ZNRF3: variants seen among roughly 807,000 people sequenced by gnomAD.
The protein encoded by ZNRF3 is E3 ubiquitin-protein ligase ZNRF3.
Under a neutral mutation model 72.5 loss-of-function variants are expected in ZNRF3, and 23 were observed. The ratio of observed to expected loss-of-function variants is 0.32; its 90% CI spans 0.23 to 0.45. The LOEUF is 0.45. Ranked by LOEUF, ZNRF3 falls within the 20% of genes least tolerant of loss-of-function variation. The pLI is 1.00. For synonymous variants in ZNRF3, 610 were observed against 545.3 expected, an observed-to-expected ratio of 1.12 and a Z score of -1.65; for missense variants, 1,169 against 1,272.1, an observed-to-expected ratio of 0.92 and a Z score of 1.23.
At chr22:28,955,033 T>G (rs1016136232) in intron 1 of ZNRF3, among the ~76,000 whole-genome samples, 108 of 26,504 alleles carry the variant, frequency 4.1e-3, no homozygotes, top group African/African-American at 6.8e-3. Context: ...ATTTTTGGTG[T>G]TTTTTTTTTT....
At chr22:28,961,238 C>G (rs1449053702) in intron 1 of ZNRF3, among the ~76,000 whole-genome samples, 2 of 152,180 alleles carry the variant, frequency 1.3e-5, no homozygotes, top group Non-Finnish European at 2.9e-5. Flanking sequence ...AATCACCTCC[C>G]AAGGCCCCCC....
rs562711776 is a variant in ZNRF3, at chr22:29,050,843, C to T, written c.2662C>T (p.Leu888=). The change falls in exon 8 of 9, where the codon CTG becomes TTG. Residue 888 remains leucine, a synonymous_variant. Transcript: ENST00000544604. ...RALCCQARAL[L]RPGCPPEEAG... ...TCTGTGCTGCCAGGCTAGGGCCCTA[C>T]TGCGGCCTGGCTGCCCTCCGGAGGA... 1.9e-6 allele frequency: 3 copies of T among 1,605,244 alleles called. No homozygotes were observed. The highest frequency in any genetic ancestry group is 1.7e-4 in the Middle Eastern group (1 of 6,002).
Position 28,883,855 on chromosome 22 carries a change from G to T in ZNRF3, c.89G>T (p.Arg30Leu). 4.0e-6 allele frequency: 4 copies of T among 993,444 alleles called. No individual in the cohort carries two copies. The highest frequency in any genetic ancestry group is 4.8e-6 in the Non-Finnish European group (4 of 839,492). The allele number at this position is 993,444 out of a possible 1,614,324, so 61.5% of individuals were successfully genotyped here. ...CGCCCCCGCGGCCTCCGGTGCAGCC[G>T]CCTGCCGCCGCCGCCGCCGCTGCCG... ...RRRPRGLRCSRLPPPPPLPLL... is the reference protein window; with the variant it reads ...RRRPRGLRCSLLPPPPPLPLL... The change falls in exon 1 of 9, where the codon CGC (arginine) becomes CTC (leucine). Residue 30 changes from arginine (R) to leucine (L), a missense_variant. By Grantham distance (102) the Arg-to-Leu change is moderately radical (BLOSUM62 -2). This residue lies in a region of ZNRF3 where 386 missense variants were observed against 540.7 expected (regional missense o/e 0.71). Coordinates refer to ENST00000544604, the MANE Select transcript of ZNRF3 (RefSeq NM_001206998.2). The surrounding 1 kb of genome is among the most constrained non-coding windows in gnomAD (Gnocchi z 5.5).
chr22:29,031,780 T>C (rs2036763032), intron 2 of ZNRF3: 1 of 234,530 alleles, frequency 4.3e-6, no homozygotes, highest in African/African-American at 2.3e-5. Flanking sequence ...CTGGGTGCTC[T>C]CCATCGTGTT....
In ZNRF3 at chr22:28,937,702, A is replaced by G. The variant is rs1292672471; in HGVS notation, c.301-49374A>G. ...ACCTGGCAACCACCCTTTGAGAACC[A>G]CTGATCTAGAAGGTACAAGGAAATG... On this transcript the variant is annotated intron_variant, in intron 1 of 8. Transcript: ENST00000544604. Among the ~76,000 whole-genome samples the G allele has an allele frequency of 2.0e-5, 3 of 152,174 alleles. No homozygotes were observed. In the East Asian group the frequency reaches 5.8e-4, roughly 29 times the overall value.
Position 29,046,799 on chromosome 22 carries a change from G to C in ZNRF3, c.828G>C (p.Glu276Asp). 1 of 1,612,070 alleles carries C rather than the reference G, an allele frequency of 6.2e-7. No individual in the cohort carries two copies. Among genetic ancestry groups the C allele is most frequent in the Non-Finnish European group, 8.5e-7 (1 of 1,178,976 alleles). ...KFNSKSKGRR[E>D]GSCGALDTLS... is the part of the protein sequence containing the mutation. ...ACTCCAAGAGCAAGGGGCGCCGGGA[G>C]GGGAGCTGTGGGGCCCTGGACACAC... Residue 276 changes from glutamate (E) to aspartate (D), a missense_variant, in exon 6 of 9, where the codon GAG (glutamate) becomes GAC (aspartate). Glu to Asp is a conservative substitution (Grantham distance 45). Transcript: ENST00000544604.
In ZNRF3 at chr22:29,053,918, G is replaced by T; in HGVS notation, c.*296G>T. 1 of 245,762 alleles carries T rather than the reference G, an allele frequency of 4.1e-6. No homozygotes were observed. The highest frequency in any genetic ancestry group is 7.7e-6 in the Non-Finnish European group (1 of 129,874). 15.2% of individuals were successfully genotyped at this position (245,762 alleles called of 1,614,324 possible). A position where few individuals can be genotyped will look rare whatever the true frequency, so the allele number is the denominator to read the frequency against. ...TCCGAGGTGTGGGATTGAGTTCTCT[G>T]CTTTGTTTTTTTTTAAGATATTGTA... On this transcript the variant is annotated 3_prime_UTR_variant, in exon 9 of 9. Coordinates refer to ENST00000544604, the MANE Select transcript of ZNRF3 (RefSeq NM_001206998.2).
chr22:28,983,491 G>A (rs1231369634), intron 1 of ZNRF3, among the ~76,000 whole-genome samples: 3 of 152,128 alleles, frequency 2.0e-5, no homozygotes, highest in Non-Finnish European at 2.9e-5. Flanking sequence ...GTCAGGCCTC[G>A]GCTTTGGCTT....
chr22:28,896,268 G>GA (rs1240009692), intron 1 of ZNRF3, among the ~76,000 whole-genome samples: 2 of 152,236 alleles, frequency 1.3e-5, no homozygotes, highest in Non-Finnish European at 2.9e-5. Context: ...CCGAGTAGCT[G>GA]GGACTACAGG....
At chr22:28,903,222 G>A (rs182241005) in intron 1 of ZNRF3, among the ~76,000 whole-genome samples, 1 of 152,154 alleles carries the variant, frequency 6.6e-6, no homozygotes, top group East Asian at 1.9e-4. Context: ...TCTGTCAGTC[G>A]GGCACGTGTG....
chr22:28,922,517 CT>C (rs1474461163), intron 1 of ZNRF3, among the ~76,000 whole-genome samples: 1 of 152,148 alleles, frequency 6.6e-6, no homozygotes, highest in South Asian at 2.1e-4. Flanking sequence ...TACTTCTAAT[CT>C]TTTTTAGCCA....
At chr22:28,885,569 A>T (rs111733309) in intron 1 of ZNRF3, among the ~76,000 whole-genome samples, 2 of 150,254 alleles carry the variant, frequency 1.3e-5, no homozygotes, top group African/African-American at 4.9e-5. Flanking sequence ...TGGTTTTAGA[A>T]ATGTTTGATT....
Position 28,967,959 on chromosome 22 carries a change from A to G in ZNRF3, c.301-19117A>G, listed in dbSNP as rs377666542. ...AAAAAAAAAAGAAAAAAACACAACT[A>G]TATATATAGTGGAGCAAAGCCCTCT... On this transcript the variant is annotated intron_variant, in intron 1 of 8. Coordinates refer to ENST00000544604, the MANE Select transcript of ZNRF3 (RefSeq NM_001206998.2). Among the ~76,000 whole-genome samples the G allele has an allele frequency of 1.0e-3, 153 of 151,536 alleles. 3 individuals carry two copies. The South Asian group carries it at 0.023, about 23-fold the overall frequency.
chr22:28,901,211 C>G (rs2034096253), intron 1 of ZNRF3, among the ~76,000 whole-genome samples: 2 of 152,042 alleles, frequency 1.3e-5, no homozygotes, highest in African/African-American at 2.4e-5. Flanking sequence ...AAGAGCTGTC[C>G]CTTCCTGAAG....
intron 1 of ZNRF3, among the ~76,000 whole-genome samples, chr22:28,952,726 G>A (rs1163547654): frequency 2.6e-5 from 4 of 152,112 alleles, no homozygotes; most frequent in Non-Finnish European, 5.9e-5. Flanking sequence ...CAGTTAAAAA[G>A]CAAGAATGTG....
intron 1 of ZNRF3, among the ~76,000 whole-genome samples, chr22:28,889,643 C>T (rs572582778): frequency 7.2e-4 from 110 of 152,294 alleles, no homozygotes; most frequent in African/African-American, 2.5e-3. Context: ...GAACTGAGCC[C>T]TTAGGCCCTG....
intron 1 of ZNRF3, among the ~76,000 whole-genome samples, chr22:28,924,129 T>A (rs935542866): frequency 6.6e-6 from 1 of 152,220 alleles, no homozygotes; most frequent in Non-Finnish European, 1.5e-5. Flanking sequence ...GGTTCTTTTT[T>A]TAAATTTAAA....
chr22:28,982,187 G>C (rs183406959), intron 1 of ZNRF3, among the ~76,000 whole-genome samples: 5 of 152,220 alleles, frequency 3.3e-5, no homozygotes, highest in African/African-American at 1.2e-4. Context: ...GTTAAATTCT[G>C]CATTGGTTGC....
intron 5 of ZNRF3, among the ~76,000 whole-genome samples, chr22:29,045,362 CAAAAA>C (rs59285656): frequency 3.1e-5 from 3 of 97,602 alleles, no homozygotes; most frequent in Non-Finnish European, 4.2e-5. Flanking sequence ...CCCTGTCTCA[CAAAAA>C]AAAAAAAAAA....
Sources: allele counts gnomAD v4.1 joint callset (sites outside exome capture counted in the v4.1 genomes callset), GRCh38; gene constraint gnomAD v4.1.1; regional missense constraint gnomAD v4.1.1; non-coding constraint Gnocchi (gnomAD v3.1); transcripts MANE v1.5; gene names NCBI Gene and HGNC (gene_info 2026-07-23, HGNC 2026-07-21).